Variants in RARB observed in about 807,000 individuals in gnomAD.
The protein encoded by RARB is retinoic acid receptor beta.
Under a neutral mutation model 51.9 loss-of-function variants are expected in RARB, and 17 were observed. The ratio of observed to expected loss-of-function variants is 0.33; its 90% CI spans 0.22 to 0.49. The LOEUF (loss-of-function observed/expected upper bound fraction) is 0.49, where lower values mean the gene tolerates loss of function less well. Ranked by LOEUF, RARB falls within the 20% of genes least tolerant of loss-of-function variation. The probability of loss-of-function intolerance (pLI) is 0.99; values close to 1 mark genes in which losing one functional copy is unlikely to be tolerated. For missense variants in RARB, 369 were observed against 550.8 expected (o/e 0.67, Z 3.30); for synonymous variants, 215 against 195.4 (o/e 1.10, Z -0.84).
chr3:24,983,568 G>A (rs1284536622), intron 2 of RARB, among the ~76,000 whole-genome samples: 1 of 151,912 alleles, frequency 6.6e-6, no homozygotes, highest in Non-Finnish European at 1.5e-5. Context: ...GGTGTGTGGT[G>A]CTCCCCTCCC....
intron 2 of RARB, among the ~76,000 whole-genome samples, chr3:25,036,594 G>A (rs540688420): frequency 3.9e-5 from 6 of 152,194 alleles, no homozygotes; most frequent in Admixed American, 1.3e-4. Context: ...CAGTGGAAAG[G>A]GACAACAAAT....
chr3:24,832,522 A>C (rs1196896315), intron 1 of RARB, among the ~76,000 whole-genome samples: 1 of 151,326 alleles, frequency 6.6e-6, no homozygotes. Context: ...TTTATGCAAC[A>C]TGCATTTTTT....
At chr3:25,459,381 C>G (rs1474666476) in intron 1 of RARB, among the ~76,000 whole-genome samples, 9 of 152,158 alleles carry the variant, frequency 5.9e-5, no homozygotes, top group African/African-American at 2.2e-4. Flanking sequence ...AATTAGGGGA[C>G]TCACTGAAGG....
intron 3 of RARB, among the ~76,000 whole-genome samples, chr3:25,526,656 C>G (rs1435517744): frequency 6.6e-6 from 1 of 152,096 alleles, no homozygotes; most frequent in Non-Finnish European, 1.5e-5. Flanking sequence ...GTTAGATGGA[C>G]TGGATGGACG....
chr3:25,037,050 C>T (rs1305519548), intron 2 of RARB, among the ~76,000 whole-genome samples: 2 of 152,174 alleles, frequency 1.3e-5, no homozygotes, highest in Non-Finnish European at 2.9e-5. Context: ...AGAACTCAAA[C>T]TTGCATGAAC....
chr3:24,890,356 T>C (rs745661769), intron 2 of RARB, among the ~76,000 whole-genome samples: 4 of 152,204 alleles, frequency 2.6e-5, no homozygotes, highest in Admixed American at 6.5e-5. Flanking sequence ...CTGTTACTTA[T>C]AGGAGGGATT....
intron 2 of RARB, among the ~76,000 whole-genome samples, chr3:25,033,685 C>T (rs368941009): frequency 4.6e-5 from 7 of 152,274 alleles, no homozygotes; most frequent in African/African-American, 1.4e-4. Context: ...GCAGTGGCTG[C>T]AGCTTTATCT....
chr3:25,020,406 T>C (rs1189234862), intron 2 of RARB: 1 of 152,012 alleles, frequency 6.6e-6, no homozygotes, highest in East Asian at 1.9e-4. Flanking sequence ...GCTCAAGCGA[T>C]CCTCCTGTCT....
At chr3:25,202,935 T>C (rs1310348039) in intron 5 of RARB, among the ~76,000 whole-genome samples, 7 of 152,212 alleles carry the variant, frequency 4.6e-5, no homozygotes, top group Non-Finnish European at 1.0e-4. Flanking sequence ...GAGAGTTCTG[T>C]AGATGTCTAT....
intron 2 of RARB, among the ~76,000 whole-genome samples, chr3:24,917,209 T>C (rs151231596): frequency 1.2e-3 from 184 of 152,168 alleles, no homozygotes; most frequent in African/African-American, 4.3e-3. Context: ...CAAACCTAAA[T>C]GTAAGAGCTA....
At chr3:25,259,610 ACTTC>A (rs1289274363) in intron 5 of RARB, among the ~76,000 whole-genome samples, 1 of 152,178 alleles carries the variant, frequency 6.6e-6, no homozygotes, top group African/African-American at 2.4e-5. Context: ...CAAAAAGTAA[ACTTC>A]CATTGTGTGA....
chr3:25,351,257 TTC>T (rs1374315316), intron 5 of RARB, among the ~76,000 whole-genome samples: 1 of 152,090 alleles, frequency 6.6e-6, no homozygotes, highest in African/African-American at 2.4e-5. Flanking sequence ...TTCTTTTTCT[TTC>T]TTTCTTTTCT....
intron 1 of RARB, among the ~76,000 whole-genome samples, chr3:24,829,946 CCT>C: frequency 6.6e-6 from 1 of 152,208 alleles, no homozygotes; most frequent in East Asian, 1.9e-4. Flanking sequence ...GGGTGTCGGA[CCT>C]CTGGGTTGCA....
chr3:24,927,137 A>G (rs547121804), intron 2 of RARB, among the ~76,000 whole-genome samples: 1 of 152,140 alleles, frequency 6.6e-6, no homozygotes, highest in East Asian at 1.9e-4. Context: ...TTGCAAAACC[A>G]TTTTTTCCTT....
At chr3:25,125,856 A>G (rs1263133812) in intron 3 of RARB, among the ~76,000 whole-genome samples, 1 of 152,180 alleles carries the variant, frequency 6.6e-6, no homozygotes, top group African/African-American at 2.4e-5. Context: ...TATCAGCACC[A>G]CTGCTCTGGA....
At chr3:25,159,997 A>G (rs1700448152) in intron 4 of RARB, among the ~76,000 whole-genome samples, 2 of 152,174 alleles carry the variant, frequency 1.3e-5, no homozygotes, top group Admixed American at 1.3e-4. Context: ...ACAGCAAAGG[A>G]AATTCTTAAG....
chr3:25,359,616 C>T (rs187781748), intron 5 of RARB, among the ~76,000 whole-genome samples: 5 of 152,252 alleles, frequency 3.3e-5, no homozygotes, highest in Admixed American at 2.6e-4. Flanking sequence ...GCATTTAGTG[C>T]TATAAATTTC....
intron 3 of RARB, among the ~76,000 whole-genome samples, chr3:25,566,650 TCA>T (rs1210821420): frequency 6.6e-6 from 1 of 152,144 alleles, no homozygotes; most frequent in African/African-American, 2.4e-5. Context: ...TGGTGACAGC[TCA>T]CAGTGTCTCC....
chr3:25,518,767 T>C (rs1414710528), intron 3 of RARB, among the ~76,000 whole-genome samples: 1 of 152,190 alleles, frequency 6.6e-6, no homozygotes, highest in Non-Finnish European at 1.5e-5. Context: ...ATCAACTTTT[T>C]ATTTTAGAAC....
Sources: allele counts gnomAD v4.1 joint callset (sites outside exome capture counted in the v4.1 genomes callset), GRCh38; gene constraint gnomAD v4.1.1; transcripts MANE v1.5; gene names NCBI Gene and HGNC (gene_info 2026-07-23, HGNC 2026-07-21).